The following LRRTM4 variants were observed in gnomAD, a reference collection of about 807,000 sequenced individuals.
LRRTM4 encodes the protein leucine rich repeat transmembrane neuronal 4, also known as leucine-rich repeat transmembrane neuronal protein 4.
A neutral mutation model predicts 47.6 loss-of-function variants in LRRTM4; 25 were observed. The ratio of observed to expected loss-of-function variants is 0.53; its 90% CI spans 0.38 to 0.73. The LOEUF is 0.73. Among genes scored for constraint, LRRTM4 ranks in the 30% least tolerant of loss-of-function variants. The pLI is 0.00. For synonymous variants in LRRTM4, 311 were observed against 269.5 expected (o/e 1.15, Z -1.51); for missense variants, 638 against 713.4 (o/e 0.89, Z 1.20).
chr2:76,936,523 C>T (rs190960480), intron 3 of LRRTM4, among the ~76,000 whole-genome samples: 99 of 147,040 alleles, frequency 6.7e-4, no homozygotes, highest in African/African-American at 2.4e-3. Context: ...CACCATGGCA[C>T]GTGTATGCCT....
chr2:76,830,073 A>T (rs7580043), intron 3 of LRRTM4, among the ~76,000 whole-genome samples: 69,681 of 151,626 alleles, frequency 0.46, 17,069 homozygotes, highest in East Asian at 0.76. Context: ...TGATTTATAA[A>T]ATGAACCTTC....
chr2:77,408,189 G>C (rs980540447), intron 3 of LRRTM4, among the ~76,000 whole-genome samples: 2 of 152,110 alleles, frequency 1.3e-5, no homozygotes, highest in African/African-American at 4.8e-5. Context: ...TGCCCCCCAG[G>C]GGGAGTGCTT....
chr2:77,214,971 T>C (rs1167835069), intron 3 of LRRTM4, among the ~76,000 whole-genome samples: 1 of 152,154 alleles, frequency 6.6e-6, no homozygotes, highest in Non-Finnish European at 1.5e-5. Flanking sequence ...AAAGTTCCAA[T>C]GTAAGTTAAT....
intron 3 of LRRTM4, among the ~76,000 whole-genome samples, chr2:77,276,047 T>C (rs1676340189): frequency 6.6e-6 from 1 of 152,100 alleles, no homozygotes; most frequent in South Asian, 2.1e-4. Flanking sequence ...GTGACTGAAA[T>C]GTAAGCGGTA....
At chr2:77,445,108 A>G (rs904863149) in intron 3 of LRRTM4, among the ~76,000 whole-genome samples, 104 of 152,056 alleles carry the variant, frequency 6.8e-4, no homozygotes, top group African/African-American at 2.3e-3. Flanking sequence ...CTATAAGGCA[A>G]TTGTGTATGA....
intron 3 of LRRTM4, among the ~76,000 whole-genome samples, chr2:77,232,591 A>T: frequency 6.6e-6 from 1 of 152,166 alleles, no homozygotes; most frequent in East Asian, 1.9e-4. Context: ...TTTAATCCGA[A>T]CTTCTTTGCT....
intron 3 of LRRTM4, among the ~76,000 whole-genome samples, chr2:76,921,938 T>C (rs191382888): frequency 2.6e-5 from 4 of 152,246 alleles, no homozygotes; most frequent in Admixed American, 1.3e-4. Context: ...TCTGAAGAGA[T>C]ATTTGCATTT....
At chr2:76,918,332 G>A (rs997629905) in intron 3 of LRRTM4, among the ~76,000 whole-genome samples, 4 of 152,128 alleles carry the variant, frequency 2.6e-5, no homozygotes, top group Admixed American at 2.6e-4. Flanking sequence ...GTTTTTACTT[G>A]AGGTGTAATC....
chr2:76,782,278 C>CT (rs1372547312), intron 3 of LRRTM4, among the ~76,000 whole-genome samples: 15 of 152,286 alleles, frequency 9.8e-5, no homozygotes, highest in Admixed American at 7.8e-4. Context: ...ATTCATTTAT[C>CT]TTGAAATGTC....
At chr2:77,132,646 G>A (rs1671832664) in intron 3 of LRRTM4, among the ~76,000 whole-genome samples, 1 of 152,170 alleles carries the variant, frequency 6.6e-6, no homozygotes, top group African/African-American at 2.4e-5. Context: ...CTCACATGGT[G>A]AAAGAGCAGA....
intron 3 of LRRTM4, among the ~76,000 whole-genome samples, chr2:77,068,316 A>G (rs145678944): frequency 5.5e-4 from 84 of 152,296 alleles, no homozygotes; most frequent in African/African-American, 1.9e-3. Context: ...GATACACATC[A>G]CATACCATAA....
intron 3 of LRRTM4, among the ~76,000 whole-genome samples, chr2:76,938,004 G>C (rs747591475): frequency 6.6e-6 from 1 of 151,968 alleles, no homozygotes; most frequent in African/African-American, 2.4e-5. Flanking sequence ...TTCATTAATT[G>C]ATTTTCCTTT....
At chr2:76,962,206 T>G (rs981345970) in intron 3 of LRRTM4, among the ~76,000 whole-genome samples, 1 of 151,378 alleles carries the variant, frequency 6.6e-6, no homozygotes, top group South Asian at 2.1e-4. Flanking sequence ...ACTACTTAAG[T>G]AATTTGAAAG....
At chr2:77,418,131 TTC>T (rs1674719921) in intron 3 of LRRTM4, among the ~76,000 whole-genome samples, 1 of 152,146 alleles carries the variant, frequency 6.6e-6, no homozygotes, top group African/African-American at 2.4e-5. Flanking sequence ...ATTGTGCTAT[TTC>T]TGTGTCAAGG....
chr2:77,275,352 G>A (rs575628570), intron 3 of LRRTM4, among the ~76,000 whole-genome samples: 9 of 150,824 alleles, frequency 6.0e-5, no homozygotes, highest in South Asian at 2.1e-4. Context: ...ATTTATTAAC[G>A]TCTTGCATAA....
intron 3 of LRRTM4, among the ~76,000 whole-genome samples, chr2:77,222,433 A>C (rs1236610002): frequency 6.6e-6 from 1 of 152,168 alleles, no homozygotes; most frequent in Non-Finnish European, 1.5e-5. Context: ...TTTTTTGAAA[A>C]GATCAACAAA....
intron 3 of LRRTM4, among the ~76,000 whole-genome samples, chr2:76,879,967 A>C (rs987234792): frequency 1.3e-5 from 2 of 152,242 alleles, no homozygotes; most frequent in African/African-American, 4.8e-5. Context: ...GAAAATGTGA[A>C]TGCATTGCTG....
At chr2:77,404,958 TC>T (rs1444267360) in intron 3 of LRRTM4, among the ~76,000 whole-genome samples, 1 of 152,104 alleles carries the variant, frequency 6.6e-6, no homozygotes, top group Non-Finnish European at 1.5e-5. Context: ...TTTCATGAAC[TC>T]CCCCTTTCCT....
At chr2:77,039,184 A>G (rs1362148173) in intron 3 of LRRTM4, among the ~76,000 whole-genome samples, 1 of 151,446 alleles carries the variant, frequency 6.6e-6, no homozygotes, top group Admixed American at 6.6e-5. Flanking sequence ...CATCTTATAA[A>G]AAGAGGATCA....
Sources: gnomAD v4.1 joint callset for allele counts (sites outside exome capture counted in the v4.1 genomes callset) on GRCh38, gnomAD v4.1.1 for gene constraint, MANE v1.5 for transcripts, NCBI Gene and HGNC (gene_info 2026-07-23, HGNC 2026-07-21) for gene names.